The following IREB2 variants were observed in gnomAD, a reference collection of about 807,000 sequenced individuals.
The protein encoded by IREB2 is iron responsive element binding protein 2, also known as iron-responsive element-binding protein 2.
Under a neutral mutation model 118.8 loss-of-function variants are expected in IREB2, and 39 were observed. The ratio of observed to expected loss-of-function variants is 0.33; its 90% CI spans 0.25 to 0.43. The LOEUF (loss-of-function observed/expected upper bound fraction) is 0.43, where lower values mean the gene tolerates loss of function less well. Ranked by LOEUF, IREB2 falls within the 20% of genes least tolerant of loss-of-function variation. The pLI is 1.00. For synonymous variants in IREB2, 372 were observed against 392.2 expected (o/e 0.95, Z 0.61); for missense variants, 900 against 1,147.3 (o/e 0.78, Z 3.11).
intron 11 of IREB2, among the ~76,000 whole-genome samples, chr15:78,483,877 C>T (rs1464071252): frequency 2.0e-5 from 3 of 150,996 alleles, no homozygotes; most frequent in Non-Finnish European, 2.9e-5. Context: ...TCCCCCCTCC[C>T]GGGCTCAAGC....
chr15:78,471,975 G>A (rs1285167554), intron 7 of IREB2, 51 bp downstream of exon 7: 1 of 1,333,724 alleles, frequency 7.5e-7, no homozygotes, highest in East Asian at 2.4e-5. Flanking sequence ...AGGATGTCAA[G>A]AACATTGTAA....
intron 2 of IREB2, among the ~76,000 whole-genome samples, chr15:78,456,256 G>A (rs759372209): frequency 2.6e-5 from 4 of 152,122 alleles, no homozygotes; most frequent in Admixed American, 6.5e-5. Context: ...AGAGACAGTG[G>A]TATTTTTATT....
At chr15:78,480,431 G>A (rs1348390223) in intron 10 of IREB2, among the ~76,000 whole-genome samples, 1 of 152,144 alleles carries the variant, frequency 6.6e-6, no homozygotes, top group African/African-American at 2.4e-5. Flanking sequence ...TGTAATCCCA[G>A]CACTTTGGGA....
intron 5 of IREB2, among the ~76,000 whole-genome samples, chr15:78,466,875 A>G (rs531024692): frequency 2.6e-5 from 4 of 152,070 alleles, no homozygotes; most frequent in Non-Finnish European, 5.9e-5. Context: ...TATATTTTTA[A>G]CATTTTTTTC....
At chr15:78,474,822 G>C (rs1487293312) in intron 8 of IREB2, 1 of 151,708 alleles carries the variant, frequency 6.6e-6, no homozygotes, top group Non-Finnish European at 1.5e-5. Context: ...TTGGGAGGCC[G>C]AGGCGGGTGG....
chr15:78,480,084 C>T (rs552687181), intron 10 of IREB2: 2 of 152,286 alleles, frequency 1.3e-5, no homozygotes, highest in South Asian at 4.1e-4. Flanking sequence ...TCCATGAGGA[C>T]AGGAACTTTG....
rs1162974779 is a variant in IREB2, at chr15:78,487,750, A to G, written c.1727A>G (p.Tyr576Cys). ...AAATGCAGATTTGAAATCGTTGGCT[A>G]TGGATGTTCAATTTGTGTGGGAAAT... ...LSKLGFEIVG[Y>C]GCSICVGNTA... The change falls in exon 14 of 22, where the codon TAT becomes TGT. Residue 576 changes from tyrosine to cysteine, a missense_variant. Transcript: ENST00000258886. 5 of 1,602,058 alleles carry G rather than the reference A, an allele frequency of 3.1e-6. No individual in the cohort carries two copies. Among genetic ancestry groups the G allele is most frequent in the Admixed American group, 1.7e-5 (1 of 59,798 alleles).
intron 7 of IREB2, among the ~76,000 whole-genome samples, chr15:78,472,361 T>C (rs886732980): frequency 2.6e-5 from 4 of 151,744 alleles, no homozygotes; most frequent in African/African-American, 9.7e-5. Context: ...CTTTTCTTTT[T>C]TTTTTCTTTT....
At chr15:78,449,429 G>T (rs552059236) in intron 2 of IREB2, among the ~76,000 whole-genome samples, 1 of 152,186 alleles carries the variant, frequency 6.6e-6, no homozygotes, top group African/African-American at 2.4e-5. Context: ...GAGAGGCAAC[G>T]TAAACAAGTG....
chr15:78,444,338 CT>C (rs1567161254), intron 2 of IREB2, among the ~76,000 whole-genome samples: 6 of 151,896 alleles, frequency 4.0e-5, no homozygotes, highest in African/African-American at 1.2e-4. Flanking sequence ...ACATGAATGA[CT>C]ATGTTGAATG....
intron 2 of IREB2, among the ~76,000 whole-genome samples, chr15:78,441,099 T>C (rs1424160569): frequency 6.6e-6 from 1 of 152,236 alleles, no homozygotes; most frequent in African/African-American, 2.4e-5. Context: ...ACGATTGTTC[T>C]TGTGATTTTT....
At chr15:78,493,026 G>A (rs1164052176) in intron 18 of IREB2, among the ~76,000 whole-genome samples, 2 of 152,080 alleles carry the variant, frequency 1.3e-5, no homozygotes, top group Admixed American at 6.6e-5. Context: ...CCTAATAGAA[G>A]TACATATGAC....
chr15:78,455,950 G>T (rs567048363), intron 2 of IREB2, among the ~76,000 whole-genome samples: 1 of 152,298 alleles, frequency 6.6e-6, no homozygotes, highest in South Asian at 2.1e-4. Context: ...TGATGGAGAG[G>T]CTTCAGTTCT....
At chr15:78,486,334 C>T (rs2051658890) in intron 13 of IREB2, among the ~76,000 whole-genome samples, 1 of 152,152 alleles carries the variant, frequency 6.6e-6, no homozygotes, top group African/African-American at 2.4e-5. Context: ...GGGCTGGGCG[C>T]GGTGGCTCAC....
At chr15:78,471,957 T>C in intron 7 of IREB2, 33 bp downstream of exon 7, 4 of 1,454,944 alleles carry the variant, frequency 2.7e-6, no homozygotes, top group Non-Finnish European at 2.8e-6. Context: ...TTCATTTCTT[T>C]TGGGGTAAGG....
intron 2 of IREB2, among the ~76,000 whole-genome samples, chr15:78,461,159 A>G (rs1049184466): frequency 7.2e-5 from 11 of 152,194 alleles, no homozygotes; most frequent in East Asian, 1.9e-4. Flanking sequence ...TTTTCCATCA[A>G]TTATACCAAG....
At chr15:78,491,960 T>C (rs1341428267) in intron 18 of IREB2, among the ~76,000 whole-genome samples, 1 of 152,222 alleles carries the variant, frequency 6.6e-6, no homozygotes, top group South Asian at 2.1e-4. Flanking sequence ...TCAACACTTC[T>C]CTCAAATGTA....
chr15:78,485,791 A>G lies in IREB2; in HGVS notation c.1660A>G (p.Thr554Ala), dbSNP rs1393505315. Residue 554 changes from threonine to alanine, a missense_variant, in exon 13 of 22, where the codon ACA becomes GCA. By Grantham distance (58) the Thr-to-Ala change is moderately conservative. Coordinates refer to ENST00000258886, the MANE Select transcript of IREB2 (RefSeq NM_004136.4). The part of the protein sequence containing the change: ...TSLSPGSGMV[T>A]HYLSSSGVLP... ...TTTATCTCCAGGCAGTGGGATGGTT[A>G]CACATTACCTCAGTTCAAGTGGAGT... 6.2e-7 allele frequency: 1 copy of G among 1,613,776 alleles called. No individual in the cohort carries two copies.
At chr15:78,490,803 T>C in intron 18 of IREB2, 42 bp downstream of exon 18, 1 of 1,581,778 alleles carries the variant, frequency 6.3e-7, no homozygotes, top group Non-Finnish European at 8.6e-7. Flanking sequence ...TTTTTCTTGT[T>C]TCTTACTGAT....
Sources: allele counts gnomAD v4.1 joint callset (sites outside exome capture counted in the v4.1 genomes callset), GRCh38; gene constraint gnomAD v4.1.1; transcripts MANE v1.5; gene names NCBI Gene and HGNC (gene_info 2026-07-23, HGNC 2026-07-21).